Variants in DEFB113 observed in about 807,000 individuals in gnomAD.
DEFB113 encodes the protein beta-defensin 113.
DEFB113 carries 5 observed loss-of-function variants against 2.5 expected under a neutral mutation model. The observed-to-expected ratio is 1.99, with a 90% confidence interval of 1.04 to 4.18. The LOEUF is 4.18. Ranked by LOEUF, DEFB113 falls within the 30% of genes most tolerant of loss-of-function variation. The pLI is 0.00. For synonymous variants in DEFB113, 42 were observed against 31.6 expected (o/e 1.33, Z -1.11); for missense variants, 123 against 96.6 (o/e 1.27, Z -1.14).
chr6:49,969,444 T>A (rs1035065223), intron 1 of DEFB113, 124 bp downstream of exon 1: 2 of 590,334 alleles, frequency 3.4e-6, no homozygotes, highest in Admixed American at 3.5e-5. Flanking sequence ...ATAGAGAAAA[T>A]TGCCTTATAA....
intron 1 of DEFB113, 38 bp from the exon 2 acceptor site, chr6:49,968,905 A>G: frequency 6.5e-7 from 1 of 1,546,656 alleles, no homozygotes; most frequent in South Asian, 1.2e-5. Context: ...TCCAGATTTA[A>G]TATCCTTAGA....
chr6:49,968,914 G>C lies in DEFB113; in HGVS notation c.59-47C>G, dbSNP rs201116955. 234 of 1,506,632 alleles carry C rather than the reference G, an allele frequency of 1.6e-4. No individual in the cohort carries two copies. The Middle Eastern group carries it at 1.9e-3, about 12-fold the overall frequency. The allele number at this position is 1,506,632 out of a possible 1,614,324, so 93.3% of individuals were successfully genotyped here. A position where few individuals can be genotyped will look rare whatever the true frequency, so the allele number is the denominator to read the frequency against. ...CATAAGTCCAGATTTAATATCCTTA[G>C]ATACAGAGATGAATAAACTCTTTAA... On this transcript the variant is annotated intron_variant, in intron 1 of 1. Transcript: ENST00000398718.
chr6:49,969,108 G>A (rs1328207570), intron 1 of DEFB113, among the ~76,000 whole-genome samples: 3 of 150,898 alleles, frequency 2.0e-5, no homozygotes, highest in Non-Finnish European at 4.5e-5. Context: ...TATCTAATTT[G>A]TGTGTGCTTC....
In DEFB113 at chr6:49,968,810, C is replaced by T. The variant is rs373794670; in HGVS notation, c.116G>A (p.Arg39His). 51 of 1,602,968 alleles carry T rather than the reference C, an allele frequency of 3.2e-5. No homozygotes were observed. The highest frequency in any genetic ancestry group is 5.4e-5 in the African/African-American group (4 of 73,964). ...AERKRECQLV[R>H]GACKPECNSW... is the part of the protein sequence containing the mutation. ...GTTGCATTCCGGCTTGCAAGCACCA[C>T]GAACAAGCTGACATTCTCTTTTTCT... is the stretch of plus-strand genomic sequence containing the variant. The change falls in exon 2 of 2, where the codon CGT (arginine) becomes CAT (histidine). Residue 39 changes from arginine to histidine, a missense_variant. Transcript: ENST00000398718.
chr6:49,968,746 G>A lies in DEFB113; in HGVS notation c.180C>T (p.Pro60=), dbSNP rs373909445. Residue 60 remains proline, a synonymous_variant, in exon 2 of 2, where the codon CCC becomes CCT. Coordinates refer to ENST00000398718, the MANE Select transcript of DEFB113 (RefSeq NM_001037729.1). The part of the protein sequence containing the change: ...EYVYYYCNVN[P]CCAVWEYQKP... ...TTTGGTATTCCCATACCGCACAGCA[G>A]GGGTTAACATTGCAGTAATAATATA... The A allele has an allele frequency of 1.9e-6, 3 of 1,586,490 alleles. No homozygotes were observed. Among genetic ancestry groups the A allele is most frequent in the South Asian group, 1.2e-5 (1 of 86,734 alleles).
At position 49,968,684 on chromosome 6, in the gene DEFB113, T is replaced by G. The variant is rs1215234364; in HGVS notation, c.242A>C (p.Gln81Pro). The change falls in exon 2 of 2, where the codon CAA becomes CCA. Residue 81 changes from glutamine (Q) to proline (P), a missense_variant. Gln to Pro is a moderately conservative substitution (Grantham distance 76). Transcript: ENST00000398718. ...IINKITSKLHQK is the reference protein window; with the variant it reads ...IINKITSKLHPK ...GTGTTTTATAATTATAATTTATTTT[T>G]GATGGAGTTTACTAGTGATTTTGTT... The G allele has an allele frequency of 3.4e-6, 5 of 1,466,316 alleles. No individual in the cohort carries two copies. The South Asian group carries it at 5.7e-5, about 17-fold the overall frequency. The allele number at this position is 1,466,316 out of a possible 1,614,324, so 90.8% of individuals were successfully genotyped here.
At chr6:49,968,918 C>T in intron 1 of DEFB113, 51 bp from the exon 2 acceptor site, 1 of 1,498,004 alleles carries the variant, frequency 6.7e-7, no homozygotes. Context: ...TCCTTAGATA[C>T]AGAGATGAAT....
chr6:49,968,812 A>G lies in DEFB113; in HGVS notation c.114T>C (p.Val38=). The G allele has an allele frequency of 6.2e-7, 1 of 1,603,250 alleles. No homozygotes were observed. Among genetic ancestry groups the G allele is most frequent in the Non-Finnish European group, 8.5e-7 (1 of 1,174,998 alleles). ...VAERKRECQL[V]RGACKPECNS... ...TGCATTCCGGCTTGCAAGCACCACG[A>G]ACAAGCTGACATTCTCTTTTTCTCT... Residue 38 remains valine, a synonymous_variant, in exon 2 of 2, where the codon GTT becomes GTC. Transcript: ENST00000398718.
In DEFB113 at chr6:49,969,616, G is replaced by A. The variant is rs547636543; in HGVS notation, c.10C>T (p.Leu4Phe). 6.2e-7 allele frequency: 1 copy of A among 1,605,658 alleles called. No homozygotes were observed. Among genetic ancestry groups the A allele is most frequent in the Non-Finnish European group, 8.5e-7 (1 of 1,174,242 alleles). The stretch of plus-strand genomic sequence containing the variant: ...AAGACAAAGGTCAGAAAAATACAAA[G>A]TATCTTCATTGCTGATGCAGTTACA... MKI[L>F]CIFLTFVFTV... The change falls in exon 1 of 2, where the codon CTT becomes TTT. Residue 4 changes from leucine to phenylalanine, a missense_variant. Coordinates refer to ENST00000398718, the MANE Select transcript of DEFB113 (RefSeq NM_001037729.1).
chr6:49,968,853 T>G lies in DEFB113; in HGVS notation c.73A>C (p.Thr25Pro). 20 of 1,598,084 alleles carry G rather than the reference T, an allele frequency of 1.3e-5. No homozygotes were observed. The highest frequency in any genetic ancestry group is 1.6e-5 in the Non-Finnish European group (19 of 1,172,746). ...SCGPSVPQKKTREVAERKREC... is the reference protein window; with the variant it reads ...SCGPSVPQKKPREVAERKREC... ...CTTTTTCTCTCTGCAACTTCTCTTG[T>G]TTTTTTCTGTGGAACTAGGAAAAAG... The change falls in exon 2 of 2, where the codon ACA becomes CCA. Residue 25 changes from threonine to proline, a missense_variant. Transcript: ENST00000398718.
chr6:49,969,510 TA>T, intron 1 of DEFB113, 57 bp downstream of exon 1: 1 of 1,225,824 alleles, frequency 8.2e-7, no homozygotes, highest in Middle Eastern at 2.1e-4. Context: ...ATTTTCAGAG[TA>T]AAGCATTTAT....
rs779312079 is a variant in DEFB113 at position 49,968,737 on chromosome 6, C to T, written c.189G>A (p.Ala63=). The T allele has an allele frequency of 3.1e-5, 49 of 1,561,702 alleles. No homozygotes were observed. The highest frequency in any genetic ancestry group is 5.5e-5 in the African/African-American group (4 of 72,846). ...YYYCNVNPCC[A]VWEYQKPIIN... ...TGATTGGCTTTTGGTATTCCCATAC[C>T]GCACAGCAGGGGTTAACATTGCAGT... The change falls in exon 2 of 2, where the codon GCG becomes GCA. Residue 63 remains alanine, a synonymous_variant. Transcript: ENST00000398718.
In DEFB113 at chr6:49,969,588, G is replaced by C. The variant is rs766662436; in HGVS notation, c.38C>G (p.Thr13Ser). ...ILCIFLTFVF[T>S]VSCGPSVPQK... ...ATTACCTGATGGACCACAAGACACAGTGAAGACAAAGGTCAGAAAAATACA... is the reference window on the plus strand; with the variant it reads ...ATTACCTGATGGACCACAAGACACACTGAAGACAAAGGTCAGAAAAATACA... Residue 13 changes from threonine (T) to serine (S), a missense_variant, in exon 1 of 2, where the codon ACT (threonine) becomes AGT (serine). Coordinates refer to ENST00000398718, the MANE Select transcript of DEFB113 (RefSeq NM_001037729.1). 1.2e-6 allele frequency: 2 copies of C among 1,606,720 alleles called. No individual in the cohort carries two copies. Among genetic ancestry groups the C allele is most frequent in the Non-Finnish European group, 1.7e-6 (2 of 1,175,128 alleles).
At chr6:49,969,094 T>A (rs539816489) in intron 1 of DEFB113, among the ~76,000 whole-genome samples, 12 of 151,278 alleles carry the variant, frequency 7.9e-5, no homozygotes, top group Admixed American at 6.0e-4. Context: ...AGAACATTTT[T>A]AAATATCTAA....
chr6:49,969,477 A>C, intron 1 of DEFB113, 91 bp downstream of exon 1: 2 of 965,524 alleles, frequency 2.1e-6, no homozygotes, highest in East Asian at 2.6e-5. Context: ...AAATCTCCTA[A>C]CAATAATTTA....
At position 49,968,734 on chromosome 6, in the gene DEFB113, T is replaced by C. The variant is rs1773585447; in HGVS notation, c.192A>G (p.Val64=). The C allele has an allele frequency of 5.1e-6, 8 of 1,564,014 alleles. No individual in the cohort carries two copies. Among genetic ancestry groups the C allele is most frequent in the Non-Finnish European group, 6.9e-6 (8 of 1,153,542 alleles). Reference sequence around the variant, plus strand: ...TAATGATTGGCTTTTGGTATTCCCATACCGCACAGCAGGGGTTAACATTGC... The same window carrying C: ...TAATGATTGGCTTTTGGTATTCCCACACCGCACAGCAGGGGTTAACATTGC... The part of the protein sequence containing the change: ...YYCNVNPCCA[V]WEYQKPIINK... The change falls in exon 2 of 2, where the codon GTA becomes GTG. Residue 64 remains valine (V), a synonymous_variant. Coordinates refer to ENST00000398718, the MANE Select transcript of DEFB113 (RefSeq NM_001037729.1).
chr6:49,968,814 C>G lies in DEFB113; in HGVS notation c.112G>C (p.Val38Leu). The change falls in exon 2 of 2, where the codon GTT (valine) becomes CTT (leucine). Residue 38 changes from valine (V) to leucine (L), a missense_variant. Physicochemically the swap from Val to Leu is conservative, Grantham distance 32. Transcript: ENST00000398718. ...CATTCCGGCTTGCAAGCACCACGAACAAGCTGACATTCTCTTTTTCTCTCT... is the reference window on the plus strand; with the variant it reads ...CATTCCGGCTTGCAAGCACCACGAAGAAGCTGACATTCTCTTTTTCTCTCT... ...VAERKRECQL[V>L]RGACKPECNS... 1 of 1,603,048 alleles carries G rather than the reference C, an allele frequency of 6.2e-7. No individual in the cohort carries two copies.
rs781553661 is a variant in DEFB113 at position 49,969,615 on chromosome 6, A to AGTATCT, written c.5_10dup (p.Ile3_Leu4insGlnIle). On this transcript the variant is annotated inframe_insertion, in exon 1 of 2. Coordinates refer to ENST00000398718, the MANE Select transcript of DEFB113 (RefSeq NM_001037729.1). ...GAAGACAAAGGTCAGAAAAATACAAAGTATCTTCATTGCTGATGCAGTTAC... is the reference window on the plus strand; with the variant it reads ...GAAGACAAAGGTCAGAAAAATACAAAGTATCTGTATCTTCATTGCTGATGCAGTTAC... The AGTATCT allele has an allele frequency of 6.2e-7, 1 of 1,606,184 alleles. No individual in the cohort carries two copies. The highest frequency in any genetic ancestry group is 2.2e-5 in the East Asian group (1 of 44,682).
chr6:49,969,615 AG>A lies in DEFB113; in HGVS notation c.10del (p.Leu4PhefsTer5), dbSNP rs1323991546. 1 of 1,606,184 alleles carries A rather than the reference AG, an allele frequency of 6.2e-7. No individual in the cohort carries two copies. Among genetic ancestry groups the A allele is most frequent in the Non-Finnish European group, 8.5e-7 (1 of 1,174,642 alleles). ...GAAGACAAAGGTCAGAAAAATACAAAGTATCTTCATTGCTGATGCAGTTACA... is the reference window on the plus strand; with the variant it reads ...GAAGACAAAGGTCAGAAAAATACAAATATCTTCATTGCTGATGCAGTTACA... MKI[L>X]CIFLTFVFTV... On this transcript the variant is annotated frameshift_variant, in exon 1 of 2. Coordinates refer to ENST00000398718, the MANE Select transcript of DEFB113 (RefSeq NM_001037729.1). LOFTEE classifies it low-confidence loss of function (END_TRUNC).
Sources: gnomAD v4.1 joint callset for allele counts (sites outside exome capture counted in the v4.1 genomes callset) on GRCh38, gnomAD v4.1.1 for gene constraint, MANE v1.5 for transcripts, NCBI Gene and HGNC (gene_info 2026-07-23, HGNC 2026-07-21) for gene names.